Variants in SPRY3 observed in about 807,000 individuals in gnomAD.
SPRY3 encodes the protein sprouty RTK signaling antagonist 3.
In SPRY3, 15 loss-of-function variants were observed where a neutral mutation model predicts 20.2. The ratio of observed to expected loss-of-function variants is 0.74; its 90% CI spans 0.50 to 1.14. The LOEUF (loss-of-function observed/expected upper bound fraction) is 1.14. SPRY3 is among the 50% of genes most tolerant of loss of function. The pLI, the probability that SPRY3 is intolerant of heterozygous loss-of-function variation, is 0.00. For missense variants in SPRY3, 364 were observed against 363.9 expected, an observed-to-expected ratio of 1.00 and a Z score of 0.00; for synonymous variants, 143 against 136.5, an observed-to-expected ratio of 1.05 and a Z score of -0.33.
rs782686881 is a variant in SPRY3, at chrX:155,664,525, G to C, written c.-282+7500G>C. ...TATAGCATAAATAGACAAATAAATG[G>C]TGGAGAATCACAATGAACTTACAAA... On this transcript the variant is annotated intron_variant, in intron 2 of 3. Transcript: ENST00000675360. Among the ~76,000 whole-genome samples, 52 of 108,719 alleles carry C rather than the reference G, an allele frequency of 4.8e-4. No homozygotes were observed. The East Asian group carries it at 0.013, about 28-fold the overall frequency. The allele number at this position is 108,719 out of a possible 115,157, so 94.4% of individuals were successfully genotyped here. A position where few individuals can be genotyped will look rare whatever the true frequency, so the allele number is the denominator to read the frequency against.
downstream of SPRY3, chrX:155,779,185 C>T (rs983567271): frequency 1.2e-4 from 20 of 166,984 alleles, no homozygotes; most frequent in African/African-American, 4.8e-4. Context: ...TTGGGTAGTG[C>T]GTGATGGGCA....
intron 2 of SPRY3, among the ~76,000 whole-genome samples, chrX:155,760,749 A>G (rs925160571): frequency 3.9e-5 from 6 of 152,066 alleles, no homozygotes; most frequent in Admixed American, 6.5e-5. Flanking sequence ...TCACGCTCCT[A>G]TGAAAATCTA....
chrX:155,766,327 A>T (rs1389695681), intron 2 of SPRY3, among the ~76,000 whole-genome samples: 1 of 152,160 alleles, frequency 6.6e-6, no homozygotes, highest in African/African-American at 2.4e-5. Context: ...CAGAGGTAGA[A>T]AGGACGTTAG....
Position 155,773,715 on chromosome X carries a change from G to A in SPRY3, c.-106-51G>A, listed in dbSNP as rs374308744. 7.0e-5 allele frequency: 58 copies of A among 827,202 alleles called. No homozygotes were observed. In the East Asian group the frequency reaches 1.3e-3, roughly 18 times the overall value. 51.2% of individuals were successfully genotyped at this position (827,202 alleles called of 1,614,324 possible). ...CTGAGCTTTGTTGGTTTCTTGCAAAGTACTTATGCCTGTGTGTTCTCATTT... is the reference window on the plus strand; with the variant it reads ...CTGAGCTTTGTTGGTTTCTTGCAAAATACTTATGCCTGTGTGTTCTCATTT... On this transcript the variant is annotated intron_variant, in intron 3 of 3. Transcript: ENST00000675360.
chrX:155,696,244 T>C (rs767460948), intron 2 of SPRY3, among the ~76,000 whole-genome samples: 224 of 108,221 alleles, frequency 2.1e-3, no homozygotes, highest in African/African-American at 7.2e-3. Context: ...CATATATATA[T>C]ACATATATAT....
exon 4 of SPRY3, chrX:155,775,066 A>G: frequency 2.4e-6 from 1 of 412,916 alleles, no homozygotes; most frequent in East Asian, 3.9e-5. Context: ...GGGGCTCCCC[A>G]ATGTAATACC....
At chrX:155,772,565 T>G (rs1025154283) in intron 3 of SPRY3, among the ~76,000 whole-genome samples, 2 of 152,120 alleles carry the variant, frequency 1.3e-5, no homozygotes, top group African/African-American at 4.8e-5. Flanking sequence ...CTCCAGGATG[T>G]TTCCTGGATT....
chrX:155,777,309 C>T (rs140797375), downstream of SPRY3: 2,081 of 166,972 alleles, frequency 0.012, 22 homozygotes, highest in Non-Finnish European at 0.017. Flanking sequence ...CAAAATAACA[C>T]GAGCCCCTCC....
At chrX:155,754,686 T>G (rs2091277130) in intron 2 of SPRY3, among the ~76,000 whole-genome samples, 1 of 152,002 alleles carries the variant, frequency 6.6e-6, no homozygotes, top group Non-Finnish European at 1.5e-5. Flanking sequence ...TGGAGAGTAT[T>G]TCTATCTTAA....
chrX:155,715,041 A>T (rs990674679), intron 2 of SPRY3, among the ~76,000 whole-genome samples: 3 of 152,038 alleles, frequency 2.0e-5, no homozygotes, highest in African/African-American at 7.2e-5. Flanking sequence ...GTACTTAGGG[A>T]CTCCAACAGT....
At chrX:155,713,397 GA>G (rs1275142056) in intron 2 of SPRY3, among the ~76,000 whole-genome samples, 1 of 151,994 alleles carries the variant, frequency 6.6e-6, no homozygotes. Flanking sequence ...GACAGGTCTG[GA>G]GTTGATTAAA....
chrX:155,664,814 A>G (rs2124555112), intron 2 of SPRY3, among the ~76,000 whole-genome samples: 1 of 109,827 alleles, frequency 9.1e-6, no homozygotes, highest in Admixed American at 9.8e-5. Context: ...ATTAGTAAGA[A>G]GAAAGTAAGA....
At chrX:155,723,377 G>A (rs927880466) in intron 2 of SPRY3, among the ~76,000 whole-genome samples, 3 of 152,156 alleles carry the variant, frequency 2.0e-5, no homozygotes, top group African/African-American at 7.2e-5. Flanking sequence ...CACAATGGTT[G>A]AACTAATTTA....
At chrX:155,629,398 G>A (rs781944081) in intron 1 of SPRY3, among the ~76,000 whole-genome samples, 1 of 110,720 alleles carries the variant, frequency 9.0e-6, no homozygotes, top group South Asian at 3.9e-4. Context: ...TCTTAATCCA[G>A]TCTCTCATTG....
rs955854454 is a variant in SPRY3, at chrX:155,690,415, C to G, written c.-282+33390C>G. 3.4e-5 allele frequency among the ~76,000 whole-genome samples: 3 copies of G among 87,771 alleles called. 1 individual carries two copies. Among genetic ancestry groups the G allele is most frequent in the African/African-American group, 1.6e-4 (3 of 18,254 alleles). 76.2% of individuals were successfully genotyped at this position (87,771 alleles called of 115,157 possible). On this transcript the variant is annotated intron_variant, in intron 2 of 3. Coordinates refer to ENST00000675360, the Ensembl canonical transcript of SPRY3. Reference sequence around the variant, plus strand: ...TAGAGTGGCAATCTGGATAGAGAACCAAGACCCATTGGTATGCTGTCTTTG... The same window carrying G: ...TAGAGTGGCAATCTGGATAGAGAACGAAGACCCATTGGTATGCTGTCTTTG...
chrX:155,714,092 A>C (rs896221643), intron 2 of SPRY3, among the ~76,000 whole-genome samples: 3 of 152,078 alleles, frequency 2.0e-5, no homozygotes, highest in Non-Finnish European at 4.4e-5. Flanking sequence ...TAGAATTCTG[A>C]AGTTCTTCTT....
chrX:155,748,845 T>A (rs1247949044), intron 2 of SPRY3, among the ~76,000 whole-genome samples: 1 of 151,880 alleles, frequency 6.6e-6, no homozygotes, highest in Non-Finnish European at 1.5e-5. Flanking sequence ...ATTTTTCACA[T>A]GTACAGAAAA....
exon 2 of SPRY3, chrX:155,781,836 C>T (rs2091464824): frequency 1.2e-5 from 2 of 165,460 alleles, no homozygotes; most frequent in African/African-American, 4.9e-5. Flanking sequence ...TACCTGATAG[C>T]ATGTAACAAG....
At chrX:155,659,158 T>TCTTTC (rs1557353365) in intron 2 of SPRY3, among the ~76,000 whole-genome samples, 1 of 105,596 alleles carries the variant, frequency 9.5e-6, no homozygotes, top group African/African-American at 3.5e-5. Flanking sequence ...TTTCTTTCTT[T>TCTTTC]TTTTGAGACA....
Sources: gnomAD v4.1 joint callset for allele counts (sites outside exome capture counted in the v4.1 genomes callset) on GRCh38, gnomAD v4.1.1 for gene constraint, MANE v1.5 for transcripts, NCBI Gene and HGNC (gene_info 2026-07-23, HGNC 2026-07-21) for gene names.